TIAM2: variants seen among roughly 807,000 people sequenced by gnomAD.
The protein encoded by TIAM2 is rho guanine nucleotide exchange factor TIAM2.
A neutral mutation model predicts 152.9 loss-of-function variants in TIAM2; 80 were observed. That is an observed-to-expected ratio of 0.52 (90% CI 0.44 to 0.63). TIAM2 has a LOEUF of 0.63. TIAM2 is among the 30% of genes least tolerant of loss of function. TIAM2 has a pLI of 0.00. For missense variants in TIAM2, 1,965 were observed against 2,120.1 expected (o/e 0.93, Z 1.44); for synonymous variants, 804 against 838.0 (o/e 0.96, Z 0.70).
intron 14 of TIAM2, among the ~76,000 whole-genome samples, chr6:155,208,624 T>C (rs998198478): frequency 6.6e-6 from 1 of 152,178 alleles, no homozygotes; most frequent in African/African-American, 2.4e-5. Context: ...GCATTCCCCA[T>C]CTACCCAGTC....
At chr6:155,166,785 A>G (rs148821051) in intron 9 of TIAM2, among the ~76,000 whole-genome samples, 2 of 152,264 alleles carry the variant, frequency 1.3e-5, no homozygotes, top group African/African-American at 4.8e-5. Context: ...TTGCTGATTG[A>G]TATGTTTTAG....
chr6:155,010,519 G>A lies in TIAM2; in HGVS notation c.-209+15027G>A, dbSNP rs1443356162. On this transcript the variant is annotated intron_variant, in intron 1 of 26. Coordinates refer to ENST00000682666, the MANE Select transcript of TIAM2 (RefSeq NM_012454.4). The stretch of plus-strand genomic sequence containing the variant: ...TGCCCAGGCTGGAGTGCAATGGCAC[G>A]ATCTCGGCTCACTGCAGCCTGTGCC... Among the ~76,000 whole-genome samples the A allele has an allele frequency of 2.0e-5, 3 of 152,012 alleles. No homozygotes were observed. The South Asian group carries it at 6.2e-4, about 32-fold the overall frequency.
intron 14 of TIAM2, among the ~76,000 whole-genome samples, chr6:155,204,264 A>G (rs775099360): frequency 2.6e-5 from 4 of 152,178 alleles, no homozygotes; most frequent in South Asian, 2.1e-4. Context: ...AAGGAAGTAC[A>G]TCCTTTGTTT....
At chr6:155,179,895 G>A (rs1238162754) in intron 12 of TIAM2, among the ~76,000 whole-genome samples, 1 of 152,064 alleles carries the variant, frequency 6.6e-6, no homozygotes, top group Non-Finnish European at 1.5e-5. Flanking sequence ...CATGAATCCT[G>A]CTGTCCTTCA....
At chr6:155,148,530 A>G (rs1779871432) in intron 7 of TIAM2, among the ~76,000 whole-genome samples, 196 bp downstream of exon 7, 1 of 152,132 alleles carries the variant, frequency 6.6e-6, no homozygotes, top group Admixed American at 6.5e-5. Flanking sequence ...GTGATATGAT[A>G]TGCTTTATGA....
At chr6:155,109,946 CTTTTTTTTT>C (rs72211101) in intron 2 of TIAM2, among the ~76,000 whole-genome samples, 13 of 138,860 alleles carry the variant, frequency 9.4e-5, no homozygotes, top group Admixed American at 1.4e-4. Flanking sequence ...AATGCACAGA[CTTTTTTTTT>C]TTTTTTTTTT....
At chr6:155,104,632 T>C (rs527544968) in intron 2 of TIAM2, among the ~76,000 whole-genome samples, 9 of 151,812 alleles carry the variant, frequency 5.9e-5, no homozygotes, top group East Asian at 3.9e-4. Flanking sequence ...TGGCGGGCGC[T>C]TGTAGTCCCA....
chr6:155,114,036 A>ATATATATATTTTTTT, intron 2 of TIAM2, among the ~76,000 whole-genome samples: 16 of 34,904 alleles, frequency 4.6e-4, no homozygotes, highest in Admixed American at 1.3e-3. Context: ...ATATATATAT[A>ATATATATATTTTTTT]TTTTTTTTTT....
At chr6:155,084,078 C>T (rs550329233) in intron 1 of TIAM2, among the ~76,000 whole-genome samples, 44 of 152,218 alleles carry the variant, frequency 2.9e-4, no homozygotes, top group African/African-American at 8.9e-4. Flanking sequence ...TTTTAAAACA[C>T]GAATAGGATC....
intron 4 of TIAM2, among the ~76,000 whole-genome samples, chr6:155,135,486 A>T (rs971441182): frequency 6.6e-6 from 1 of 152,226 alleles, no homozygotes; most frequent in Non-Finnish European, 1.5e-5. Context: ...CATTTAAGCC[A>T]TAAATGTTGA....
At chr6:155,226,354 G>A (rs548785035) in intron 15 of TIAM2, among the ~76,000 whole-genome samples, 11 of 152,306 alleles carry the variant, frequency 7.2e-5, no homozygotes, top group Non-Finnish European at 1.3e-4. Context: ...TGTGGGCTCC[G>A]CTTTTAAGTG....
At chr6:155,232,082 A>G (rs896969902) in intron 15 of TIAM2, among the ~76,000 whole-genome samples, 1 of 129,354 alleles carries the variant, frequency 7.7e-6, no homozygotes, top group Non-Finnish European at 1.6e-5. Context: ...CTCTGTCTCA[A>G]AAACAAAAAC....
intron 1 of TIAM2, chr6:155,022,556 TC>T (rs1241989250): frequency 6.6e-6 from 1 of 152,314 alleles, no homozygotes; most frequent in Non-Finnish European, 1.5e-5. Flanking sequence ...TGCCTCAGCC[TC>T]ATAAGGTACT....
intron 1 of TIAM2, chr6:155,014,021 T>C (rs57919257): frequency 0.061 from 9,319 of 151,882 alleles, 735 homozygotes; most frequent in East Asian, 0.21. Context: ...ACTAAGGTGA[T>C]GTGTATTTTT....
At position 155,257,098 on chromosome 6, in the gene TIAM2, AC is replaced by A; in HGVS notation, c.5084del (p.Thr1695LysfsTer23). 6.2e-7 allele frequency: 1 copy of A among 1,613,992 alleles called. No homozygotes were observed. The highest frequency in any genetic ancestry group is 1.3e-5 in the African/African-American group (1 of 74,942). ...SVVSEECFYE[T>X]ESHGKS ...TGTCAGTGAGGAGTGTTTTTATGAA[AC>A]AGAGAGCCACGGAAAATCATAGTAT... On this transcript the variant is annotated frameshift_variant, in exon 27 of 27. Coordinates refer to ENST00000682666, the MANE Select transcript of TIAM2 (RefSeq NM_012454.4). LOFTEE classifies it high-confidence loss of function.
chr6:155,011,314 A>C (rs909729516), intron 1 of TIAM2, among the ~76,000 whole-genome samples: 2 of 152,096 alleles, frequency 1.3e-5, no homozygotes, highest in Non-Finnish European at 2.9e-5. Flanking sequence ...TTATCTTTTG[A>C]ATTAGAAAAT....
Position 155,183,236 on chromosome 6 carries a change from G to A in TIAM2, c.2801-1G>A. The A allele has an allele frequency of 6.2e-7, 1 of 1,609,910 alleles. No individual in the cohort carries two copies. ...TTCTGTTTCTCCTTCCTTTTTCTCAGGGCTGAGAAAGGGCAATGAGATCAT... is the reference window on the plus strand; with the variant it reads ...TTCTGTTTCTCCTTCCTTTTTCTCAAGGCTGAGAAAGGGCAATGAGATCAT... On this transcript the variant is annotated splice_acceptor_variant, in intron 13 of 26. Coordinates refer to ENST00000682666, the MANE Select transcript of TIAM2 (RefSeq NM_012454.4). LOFTEE classifies it high-confidence loss of function.
At chr6:155,217,170 T>C in intron 15 of TIAM2, 1 of 1,270,058 alleles carries the variant, frequency 7.9e-7, no homozygotes, top group Non-Finnish European at 1.0e-6. Context: ...TTCCTTTTCT[T>C]GATTGAAAGT....
intron 7 of TIAM2, among the ~76,000 whole-genome samples, chr6:155,160,563 T>TTGAGACCAGCCTGGGCAACATAG (rs1484428950): frequency 6.6e-6 from 1 of 152,166 alleles, no homozygotes; most frequent in African/African-American, 2.4e-5. Context: ...ACTCAGGAGT[T>TTGAGACCAGCCTGGGCAACATAG]TGAGACCAGC....
Sources: allele counts gnomAD v4.1 joint callset (sites outside exome capture counted in the v4.1 genomes callset), GRCh38; gene constraint gnomAD v4.1.1; transcripts MANE v1.5; gene names NCBI Gene and HGNC (gene_info 2026-07-23, HGNC 2026-07-21).